Variants in EXPH5 observed in about 807,000 individuals in gnomAD.
EXPH5 encodes exophilin 5.
A neutral mutation model predicts 41.1 loss-of-function variants in EXPH5; 42 were observed. The ratio of observed to expected loss-of-function variants is 1.02; its 90% CI spans 0.80 to 1.32. EXPH5 has a LOEUF of 1.32. Among genes scored for constraint, EXPH5 ranks in the 40% most tolerant of loss-of-function variants. The pLI is 0.00. For missense variants in EXPH5, 2,298 were observed against 2,314.5 expected, an observed-to-expected ratio of 0.99 and a Z score of 0.15; for synonymous variants, 798 against 833.5, an observed-to-expected ratio of 0.96 and a Z score of 0.73.
At chr11:108,550,831 C>A (rs2093960806) in intron 1 of EXPH5, among the ~76,000 whole-genome samples, 1 of 151,648 alleles carries the variant, frequency 6.6e-6, no homozygotes, top group Admixed American at 6.6e-5. Flanking sequence ...TGGGGTGGTT[C>A]GTTATGTACA....
At chr11:108,538,235 C>T (rs746504751) in intron 3 of EXPH5, 30 of 985,290 alleles carry the variant, frequency 3.0e-5, no homozygotes, top group Middle Eastern at 5.2e-4. Flanking sequence ...TGTGGTTTGA[C>T]GGCACGCGGA....
chr11:108,574,542 AACCAC>A (rs1318849660), intron 1 of EXPH5, among the ~76,000 whole-genome samples: 2 of 152,218 alleles, frequency 1.3e-5, no homozygotes, highest in African/African-American at 2.4e-5. Context: ...ATAAGACACA[AACCAC>A]ACCAAGCCAT....
chr11:108,514,139 T>C lies in EXPH5; in HGVS notation c.1368A>G (p.Thr456=), dbSNP rs1273264890. The C allele has an allele frequency of 6.2e-7, 1 of 1,613,910 alleles. No homozygotes were observed. The highest frequency in any genetic ancestry group is 2.2e-5 in the East Asian group (1 of 44,880). Residue 456 remains threonine, a synonymous_variant, in exon 6 of 6, where the codon ACA becomes ACG. Transcript: ENST00000265843. ...TATTGCTGAAGAAAGATCTGGTAAA[T>C]GTGTTGCTTTGATGGTAGAATGGCA... The part of the protein sequence containing the change: ...ENMPFYHQSN[T]FTRSFFSNTF...
In EXPH5 at chr11:108,530,573, G is replaced by C. The variant is rs911974635; in HGVS notation, c.444-2389C>G. Among the ~76,000 whole-genome samples the C allele has an allele frequency of 3.3e-5, 5 of 152,284 alleles. No individual in the cohort carries two copies. The East Asian group carries it at 7.7e-4, about 24-fold the overall frequency. ...ACTGGCAAGTAATCCAATATGCCTG[G>C]AGCCAGGACTACATGCCAGACTGTG... On this transcript the variant is annotated intron_variant, in intron 3 of 5. Transcript: ENST00000265843.
intron 1 of EXPH5, among the ~76,000 whole-genome samples, chr11:108,544,328 C>T (rs1239438065): frequency 6.6e-6 from 1 of 152,022 alleles, no homozygotes; most frequent in Non-Finnish European, 1.5e-5. Context: ...TAGCTGGGAC[C>T]ACCATCCCTG....
At chr11:108,565,277 G>A (rs897616306) in intron 1 of EXPH5, among the ~76,000 whole-genome samples, 3 of 151,996 alleles carry the variant, frequency 2.0e-5, no homozygotes, top group African/African-American at 7.2e-5. Context: ...TTAAAATATT[G>A]GTTCTATGAA....
intron 1 of EXPH5, among the ~76,000 whole-genome samples, chr11:108,570,247 T>TA (rs912052204): frequency 3.2e-5 from 3 of 92,426 alleles, no homozygotes; most frequent in Admixed American, 2.2e-4. Flanking sequence ...TTTTAAAAAA[T>TA]AAAAAAAATT....
chr11:108,539,132 G>A lies in EXPH5; in HGVS notation c.335C>T (p.Pro112Leu), dbSNP rs138214741. 33 of 1,610,056 alleles carry A rather than the reference G, an allele frequency of 2.0e-5. No homozygotes were observed. The highest frequency in any genetic ancestry group is 8.0e-5 in the African/African-American group (6 of 74,770). The change falls in exon 3 of 6, where the codon CCG becomes CTG. Residue 112 changes from proline (P) to leucine (L), a missense_variant. Physicochemically the swap from Pro to Leu is moderately conservative, Grantham distance 98 (BLOSUM62 -3). Coordinates refer to ENST00000265843, the MANE Select transcript of EXPH5 (RefSeq NM_015065.3). Reference sequence around the variant, plus strand: ...GCTCATCCGGGAAGAAAAAGGTGTCGGCTTTTTTTGATTAGTTACATTTTT... The same window carrying A: ...GCTCATCCGGGAAGAAAAAGGTGTCAGCTTTTTTTGATTAGTTACATTTTT... Reference protein sequence around the residue: ...RSKNVTNQKKPTPFSSRMSFR... With the variant: ...RSKNVTNQKKLTPFSSRMSFR...
intron 1 of EXPH5, among the ~76,000 whole-genome samples, chr11:108,574,295 T>C (rs1232813260): frequency 1.3e-5 from 2 of 151,798 alleles, no homozygotes; most frequent in South Asian, 2.1e-4. Context: ...GGGAGATCAC[T>C]TGAGTCTAGG....
chr11:108,581,677 A>G (rs2094098706), intron 1 of EXPH5, among the ~76,000 whole-genome samples: 1 of 152,158 alleles, frequency 6.6e-6, no homozygotes, highest in Non-Finnish European at 1.5e-5. Context: ...AATTGAAACA[A>G]AAACAATAAA....
chr11:108,580,200 A>G (rs2094093752), intron 1 of EXPH5, among the ~76,000 whole-genome samples: 1 of 152,212 alleles, frequency 6.6e-6, no homozygotes, highest in African/African-American at 2.4e-5. Context: ...GAAACACCTC[A>G]ACAGCAAAAA....
intron 2 of EXPH5, among the ~76,000 whole-genome samples, chr11:108,541,281 T>C (rs2136031404): frequency 6.6e-6 from 1 of 152,300 alleles, no homozygotes; most frequent in South Asian, 2.1e-4. Flanking sequence ...TATCATTGCA[T>C]TCATTTAAAG....
chr11:108,514,420 G>A lies in EXPH5; in HGVS notation c.1087C>T (p.Pro363Ser). Residue 363 changes from proline (P) to serine (S), a missense_variant, in exon 6 of 6, where the codon CCA becomes TCA. Coordinates refer to ENST00000265843, the MANE Select transcript of EXPH5 (RefSeq NM_015065.3). ...ATGGATGATAAAGGAGTTCTCTTTGGACTCTGCTGGTGCCTTGGTGGTATA... is the reference window on the plus strand; with the variant it reads ...ATGGATGATAAAGGAGTTCTCTTTGAACTCTGCTGGTGCCTTGGTGGTATA... The part of the protein sequence containing the change: ...GFIPPRHQQS[P>S]KRTPLSSIIW... The A allele has an allele frequency of 6.2e-7, 1 of 1,614,096 alleles. No individual in the cohort carries two copies. Among genetic ancestry groups the A allele is most frequent in the Non-Finnish European group, 8.5e-7 (1 of 1,180,000 alleles).
chr11:108,516,272 A>G (rs2093726432), intron 5 of EXPH5, among the ~76,000 whole-genome samples: 2 of 152,190 alleles, frequency 1.3e-5, no homozygotes, highest in South Asian at 2.1e-4. Flanking sequence ...CCCCCTTACG[A>G]TAACTGAAGA....
At chr11:108,587,598 T>A (rs1255734460) in intron 1 of EXPH5, among the ~76,000 whole-genome samples, 1 of 152,198 alleles carries the variant, frequency 6.6e-6, no homozygotes, top group Non-Finnish European at 1.5e-5. Flanking sequence ...AGAAAAACAT[T>A]TAGACATTTT....
intron 1 of EXPH5, among the ~76,000 whole-genome samples, chr11:108,561,160 A>G (rs1205059265): frequency 6.6e-6 from 1 of 152,264 alleles, no homozygotes; most frequent in Non-Finnish European, 1.5e-5. Flanking sequence ...AGACATGTCA[A>G]TGCAAAGAAG....
At chr11:108,543,131 A>C (rs1005453841) in intron 1 of EXPH5, among the ~76,000 whole-genome samples, 1 of 152,246 alleles carries the variant, frequency 6.6e-6, no homozygotes, top group Non-Finnish European at 1.5e-5. Flanking sequence ...TGAGACGGAC[A>C]GAAAAGCCAT....
At chr11:108,536,248 A>C (rs1301194349) in intron 3 of EXPH5, among the ~76,000 whole-genome samples, 1 of 151,634 alleles carries the variant, frequency 6.6e-6, no homozygotes, top group Non-Finnish European at 1.5e-5. Context: ...GGAGCAAATC[A>C]TATTTGAGGC....
chr11:108,601,282 A>G, the EXPH5 span, among the ~76,000 whole-genome samples: 1 of 152,244 alleles, frequency 6.6e-6, no homozygotes, highest in East Asian at 1.9e-4. Flanking sequence ...TATGTATCAT[A>G]TTAGACATTC....
Sources: allele counts gnomAD v4.1 joint callset (sites outside exome capture counted in the v4.1 genomes callset), GRCh38; gene constraint gnomAD v4.1.1; transcripts MANE v1.5; gene names NCBI Gene and HGNC (gene_info 2026-07-23, HGNC 2026-07-21).